EPHA7: variants seen among roughly 807,000 people sequenced by gnomAD.
The protein encoded by EPHA7 is EPH receptor A7.
In EPHA7, 25 loss-of-function variants were observed where a neutral mutation model predicts 112.6. That is an observed-to-expected ratio of 0.22 (90% CI 0.16 to 0.31). The LOEUF (loss-of-function observed/expected upper bound fraction) is 0.31, where lower values mean the gene tolerates loss of function less well. EPHA7 is among the 10% of genes least tolerant of loss of function. The pLI is 1.00. For synonymous variants in EPHA7, 437 were observed against 406.5 expected, an observed-to-expected ratio of 1.07 and a Z score of -0.90; for missense variants, 962 against 1,212.6, an observed-to-expected ratio of 0.79 and a Z score of 3.07.
At chr6:93,322,282 T>C (rs1774111789) in intron 5 of EPHA7, among the ~76,000 whole-genome samples, 1 of 151,784 alleles carries the variant, frequency 6.6e-6, no homozygotes, top group Non-Finnish European at 1.5e-5. Context: ...AAGTTTAAGA[T>C]GGAATTTGAA....
intron 5 of EPHA7, among the ~76,000 whole-genome samples, chr6:93,278,855 G>T (rs144403577): frequency 1.1e-3 from 163 of 151,884 alleles, no homozygotes; most frequent in African/African-American, 3.8e-3. Flanking sequence ...AAAATTCTAG[G>T]CTCTGACACT....
At chr6:93,312,394 T>C (rs1304054815) in intron 5 of EPHA7, among the ~76,000 whole-genome samples, 2 of 124,442 alleles carry the variant, frequency 1.6e-5, no homozygotes, top group East Asian at 4.9e-4. Flanking sequence ...TTTCATGTTA[T>C]GGAGATGGCT....
chr6:93,363,756 C>G (rs969447054), intron 3 of EPHA7, among the ~76,000 whole-genome samples: 1 of 152,152 alleles, frequency 6.6e-6, no homozygotes, highest in African/African-American at 2.4e-5. Flanking sequence ...ACACAAAAAC[C>G]TGTACATTAA....
chr6:93,370,018 A>G lies in EPHA7; in HGVS notation c.833-11607T>C, dbSNP rs557563600. ...TCTTTAAGTCTCCCTGTTATGCTGC[A>G]CAGGGAGACAACTGCACAGCCATGT... On this transcript the variant is annotated intron_variant, in intron 3 of 16. Transcript: ENST00000369303. 5.3e-5 allele frequency among the ~76,000 whole-genome samples: 8 copies of G among 152,308 alleles called. No individual in the cohort carries two copies. In the East Asian group the frequency reaches 9.7e-4, roughly 18 times the overall value.
rs1190973642 is a variant in EPHA7, at chr6:93,400,611, C to T, written c.832+9890G>A. ...AGTGGTACCATTATCACTCACTGCT[C>T]ACTGTGACCTCAACCTCCTGGGTTG... On this transcript the variant is annotated intron_variant, in intron 3 of 16. Coordinates refer to ENST00000369303, the MANE Select transcript of EPHA7 (RefSeq NM_004440.4). Among the ~76,000 whole-genome samples the T allele has an allele frequency of 1.4e-4, 21 of 152,124 alleles. 1 individual carries two copies. The highest frequency in any genetic ancestry group is 1.2e-3 in the Admixed American group (18 of 15,246).
intron 5 of EPHA7, among the ~76,000 whole-genome samples, chr6:93,280,981 T>C (rs926936559): frequency 6.6e-6 from 1 of 152,128 alleles, no homozygotes; most frequent in Non-Finnish European, 1.5e-5. Context: ...GAATAATTCC[T>C]TTAAATCTTT....
rs1480859141 is a variant in EPHA7 at position 93,255,817 on chromosome 6, C to T, written c.2382+11G>A. The T allele has an allele frequency of 1.9e-6, 3 of 1,609,296 alleles. No individual in the cohort carries two copies. ...GAATATGAAGAAGTGCAGTAAATGA[C>T]TTTTTCTTACAGTAGTTGTATAGAC... is the stretch of plus-strand genomic sequence containing the variant. On this transcript the variant is annotated intron_variant, in intron 13 of 16. Coordinates refer to ENST00000369303, the MANE Select transcript of EPHA7 (RefSeq NM_004440.4).
chr6:93,245,936 G>A (rs1489260796), intron 15 of EPHA7, among the ~76,000 whole-genome samples: 1 of 152,174 alleles, frequency 6.6e-6, no homozygotes, highest in Non-Finnish European at 1.5e-5. Flanking sequence ...AATCTTACCT[G>A]GCGTCTGAGG....
intron 5 of EPHA7, among the ~76,000 whole-genome samples, chr6:93,343,884 A>G (rs1356710687): frequency 6.6e-6 from 1 of 151,678 alleles, no homozygotes; most frequent in Admixed American, 6.6e-5. Context: ...TTATATTAAT[A>G]TCTGACATTT....
intron 5 of EPHA7, among the ~76,000 whole-genome samples, chr6:93,332,962 G>A (rs989319564): frequency 6.6e-6 from 1 of 151,676 alleles, no homozygotes; most frequent in Admixed American, 6.6e-5. Flanking sequence ...GTTGTTTGGT[G>A]TACAGATTAT....
rs767240586 is a variant in EPHA7 at position 93,243,534 on chromosome 6, C to A, written c.2889G>T (p.Val963=). 90 of 1,611,880 alleles carry A rather than the reference C, an allele frequency of 5.6e-5. 2 individuals are homozygous for A. Among genetic ancestry groups the A allele is most frequent in the South Asian group, 3.8e-4 (35 of 91,004 alleles). Residue 963 remains valine, a synonymous_variant, in exon 17 of 17, where the codon GTG becomes GTT. Coordinates refer to ENST00000369303, the MANE Select transcript of EPHA7 (RefSeq NM_004440.4). ...CAACCAGTGTGATCCCTAAACTCAT[C>A]ACATCCCTGAAAAAGACAAATGCAC... ...ESVARMTIED[V]MSLGITLVGH...
At chr6:93,327,682 C>A (rs164556) in intron 5 of EPHA7, among the ~76,000 whole-genome samples, 105,098 of 151,240 alleles carry the variant, frequency 0.69, 36,682 homozygotes, top group African/African-American at 0.77. Flanking sequence ...TCAGTGTGCT[C>A]ATCTTGTTGA....
At chr6:93,388,965 A>C (rs1311965859) in intron 3 of EPHA7, among the ~76,000 whole-genome samples, 1 of 152,060 alleles carries the variant, frequency 6.6e-6, no homozygotes, top group Non-Finnish European at 1.5e-5. Flanking sequence ...AAGGGGAGCA[A>C]GATCAAATGC....
intron 3 of EPHA7, among the ~76,000 whole-genome samples, chr6:93,377,620 T>C (rs1777128490): frequency 6.6e-6 from 1 of 152,136 alleles, no homozygotes; most frequent in Non-Finnish European, 1.5e-5. Context: ...CCTTATCTTA[T>C]ATCAGTGTCC....
chr6:93,393,746 A>G (rs1382972252), intron 3 of EPHA7, among the ~76,000 whole-genome samples: 1 of 151,818 alleles, frequency 6.6e-6, no homozygotes, highest in Non-Finnish European at 1.5e-5. Flanking sequence ...TGGCCCTTTC[A>G]ATTTAGATTC....
chr6:93,336,391 C>G (rs760036012), intron 5 of EPHA7, among the ~76,000 whole-genome samples: 1 of 151,978 alleles, frequency 6.6e-6, no homozygotes, highest in Non-Finnish European at 1.5e-5. Context: ...CTGTTCAAAG[C>G]CTTTTACACT....
At chr6:93,381,957 T>A (rs1196242683) in intron 3 of EPHA7, among the ~76,000 whole-genome samples, 12 of 152,160 alleles carry the variant, frequency 7.9e-5, no homozygotes. Flanking sequence ...TATGCCTAGA[T>A]AATCATTTCG....
chr6:93,358,989 A>G (rs115735862), intron 3 of EPHA7, among the ~76,000 whole-genome samples: 194 of 152,318 alleles, frequency 1.3e-3, no homozygotes, highest in African/African-American at 4.6e-3. Context: ...AATTTAAGTT[A>G]TAAGGCAGGC....
chr6:93,330,808 A>G (rs1358086768), intron 5 of EPHA7, among the ~76,000 whole-genome samples: 7 of 151,540 alleles, frequency 4.6e-5, no homozygotes, highest in African/African-American at 1.7e-4. Context: ...TATCCAAGCC[A>G]ATCAACAGCA....
Sources: gnomAD v4.1 joint callset for allele counts (sites outside exome capture counted in the v4.1 genomes callset) on GRCh38, gnomAD v4.1.1 for gene constraint, MANE v1.5 for transcripts, NCBI Gene and HGNC (gene_info 2026-07-23, HGNC 2026-07-21) for gene names.